The following BMPR1B variants were observed in gnomAD, a reference collection of about 807,000 sequenced individuals.
The protein encoded by BMPR1B is bone morphogenetic protein receptor type 1B.
BMPR1B carries 12 observed loss-of-function variants against 59.1 expected under a neutral mutation model. That is an observed-to-expected ratio of 0.20 (90% CI 0.13 to 0.33). The LOEUF is 0.33. Among genes scored for constraint, BMPR1B ranks in the 10% least tolerant of loss-of-function variants. The pLI, the probability that BMPR1B is intolerant of heterozygous loss-of-function variation, is 1.00. For synonymous variants in BMPR1B, 237 were observed against 207.3 expected (o/e 1.14, Z -1.23); for missense variants, 550 against 610.9 (o/e 0.90, Z 1.05).
intron 1 of BMPR1B, among the ~76,000 whole-genome samples, chr4:94,829,039 T>G (rs1205257544): frequency 6.6e-6 from 1 of 151,086 alleles, no homozygotes; most frequent in Non-Finnish European, 1.5e-5. Context: ...ATAGGTGTGG[T>G]ATAATGAAAA....
chr4:94,999,868 T>C (rs1201859745), intron 3 of BMPR1B, among the ~76,000 whole-genome samples: 1 of 152,152 alleles, frequency 6.6e-6, no homozygotes, highest in Non-Finnish European at 1.5e-5. Flanking sequence ...AAAGGTGATA[T>C]TCCATTTCAG....
At chr4:95,017,544 A>T (rs1246971287) in intron 3 of BMPR1B, among the ~76,000 whole-genome samples, 2 of 152,358 alleles carry the variant, frequency 1.3e-5, no homozygotes, top group Admixed American at 6.5e-5. Context: ...ACAAAGTTAG[A>T]TGTTAAGAGT....
At chr4:95,152,602 A>AAAG (rs1735123498) in intron 11 of BMPR1B, 41 bp from the exon 12 acceptor site, 1 of 1,454,002 alleles carries the variant, frequency 6.9e-7, no homozygotes, top group East Asian at 2.5e-5. Context: ...ACTTCACAGA[A>AAAG]AATAATAATA....
At chr4:94,823,227 A>T (rs1724267022) in intron 1 of BMPR1B, among the ~76,000 whole-genome samples, 1 of 152,194 alleles carries the variant, frequency 6.6e-6, no homozygotes, top group Non-Finnish European at 1.5e-5. Context: ...CAGAAGGTGT[A>T]AAAGAGTTCT....
At chr4:94,829,023 T>C (rs1301536174) in intron 1 of BMPR1B, among the ~76,000 whole-genome samples, 1 of 150,548 alleles carries the variant, frequency 6.6e-6, no homozygotes, top group Non-Finnish European at 1.5e-5. Context: ...TCTTGCCAAG[T>C]AGAAAATAGG....
chr4:95,022,907 C>G (rs1055964751), intron 3 of BMPR1B, among the ~76,000 whole-genome samples: 2 of 152,168 alleles, frequency 1.3e-5, no homozygotes, highest in Non-Finnish European at 2.9e-5. Flanking sequence ...GTAAGAAAGA[C>G]TGTGCTGTGG....
chr4:94,972,087 G>T (rs563524174), intron 2 of BMPR1B, among the ~76,000 whole-genome samples: 6 of 151,528 alleles, frequency 4.0e-5, no homozygotes, highest in Non-Finnish European at 7.4e-5. Context: ...ATTATAGTAT[G>T]TACAAAATTC....
In BMPR1B at chr4:95,091,744, C is replaced by CT. The variant is rs565025829; in HGVS notation, c.-17-12658dup. The stretch of plus-strand genomic sequence containing the variant: ...ACAATAAAAGCTGTTAGAACTTAGC[C>CT]TTTTTTGGCATAGATGGTGAAATAG... On this transcript the variant is annotated intron_variant, in intron 3 of 12. Coordinates refer to ENST00000515059, the MANE Select transcript of BMPR1B (RefSeq NM_001203.3). 5.3e-3 allele frequency: 4,645 copies of CT among 875,026 alleles called. 10 individuals are homozygous for CT. The highest frequency in any genetic ancestry group is 6.0e-3 in the Non-Finnish European group (4,403 of 729,880). 54.2% of individuals were successfully genotyped at this position (875,026 alleles called of 1,614,324 possible).
chr4:94,928,277 T>A (rs1280313702), intron 2 of BMPR1B, among the ~76,000 whole-genome samples: 1 of 151,796 alleles, frequency 6.6e-6, no homozygotes, highest in Non-Finnish European at 1.5e-5. Context: ...ATACTCCTGC[T>A]TCCACGTCCC....
intron 10 of BMPR1B, among the ~76,000 whole-genome samples, chr4:95,135,454 G>A (rs1733701339): frequency 6.6e-6 from 1 of 152,112 alleles, no homozygotes; most frequent in East Asian, 1.9e-4. Flanking sequence ...ACCTTGGGCA[G>A]TATGGCCATT....
At chr4:94,914,869 C>T (rs962518682) in intron 2 of BMPR1B, among the ~76,000 whole-genome samples, 1 of 152,018 alleles carries the variant, frequency 6.6e-6, no homozygotes, top group Non-Finnish European at 1.5e-5. Context: ...AACTCTCTCT[C>T]CTGTTAGAAT....
intron 3 of BMPR1B, among the ~76,000 whole-genome samples, chr4:95,071,650 G>GTATATATATATCTATA (rs1459082558): frequency 1.3e-5 from 1 of 78,452 alleles, no homozygotes; most frequent in Non-Finnish European, 2.8e-5. Flanking sequence ...GTGTGTGTGT[G>GTATATATATATCTATA]TGTATATATA....
chr4:94,944,604 A>G (rs1411312071), intron 2 of BMPR1B, among the ~76,000 whole-genome samples: 1 of 152,216 alleles, frequency 6.6e-6, no homozygotes, highest in African/African-American at 2.4e-5. Flanking sequence ...AATTTTTGCA[A>G]AGCTCTGTGG....
At chr4:95,057,436 G>A (rs1457117577) in intron 3 of BMPR1B, among the ~76,000 whole-genome samples, 1 of 151,940 alleles carries the variant, frequency 6.6e-6, no homozygotes, top group Non-Finnish European at 1.5e-5. Flanking sequence ...TAGTAGAGAC[G>A]GGGTTTCACC....
At chr4:94,801,482 A>G (rs544855858) in intron 1 of BMPR1B, among the ~76,000 whole-genome samples, 1 of 152,242 alleles carries the variant, frequency 6.6e-6, no homozygotes, top group East Asian at 1.9e-4. Flanking sequence ...TATCTTCCCT[A>G]CCATATCTTC....
Position 95,156,884 on chromosome 4 carries a change from A to G in BMPR1B, c.*2211A>G, listed in dbSNP as rs927800120. The G allele has an allele frequency of 6.6e-6, 1 of 152,166 alleles. No individual in the cohort carries two copies. The highest frequency in any genetic ancestry group is 1.5e-5 in the Non-Finnish European group (1 of 68,012). The allele number at this position is 152,166 out of a possible 1,614,324, so 9.4% of individuals were successfully genotyped here. On this transcript the variant is annotated 3_prime_UTR_variant, in exon 13 of 13. Coordinates refer to ENST00000515059, the MANE Select transcript of BMPR1B (RefSeq NM_001203.3). ...GAGAAACTTCAGTGCCTCTAAACAG[A>G]TCATCTACAAAACAACAGGTAAACA...
At chr4:95,107,875 G>T (rs903693338) in intron 4 of BMPR1B, among the ~76,000 whole-genome samples, 2 of 151,992 alleles carry the variant, frequency 1.3e-5, no homozygotes, top group Non-Finnish European at 2.9e-5. Flanking sequence ...CCTGTGAGCT[G>T]AGATCAGTCA....
intron 1 of BMPR1B, among the ~76,000 whole-genome samples, chr4:94,758,514 G>A (rs1721620094): frequency 6.6e-6 from 1 of 151,524 alleles, no homozygotes; most frequent in East Asian, 2.0e-4. Context: ...CGGGAAATGG[G>A]AGGGAGCCCG....
intron 3 of BMPR1B, among the ~76,000 whole-genome samples, chr4:95,092,669 G>C (rs1730077192): frequency 6.6e-6 from 1 of 152,034 alleles, no homozygotes. Context: ...TCCTATTAGA[G>C]GGTATGGTAA....
Sources: allele counts gnomAD v4.1 joint callset (sites outside exome capture counted in the v4.1 genomes callset), GRCh38; gene constraint gnomAD v4.1.1; transcripts MANE v1.5; gene names NCBI Gene and HGNC (gene_info 2026-07-23, HGNC 2026-07-21).